LRFN2: variants seen among roughly 807,000 people sequenced by gnomAD.
LRFN2 encodes leucine-rich repeat and fibronectin type-III domain-containing protein 2.
Under a neutral mutation model 37.3 loss-of-function variants are expected in LRFN2, and 18 were observed. That is an observed-to-expected ratio of 0.48 (90% CI 0.33 to 0.72). The LOEUF (loss-of-function observed/expected upper bound fraction) is 0.72, where lower values mean the gene tolerates loss of function less well. LRFN2 is among the 30% of genes least tolerant of loss of function. LRFN2 has a pLI of 0.02. For synonymous variants in LRFN2, 556 were observed against 466.6 expected, an observed-to-expected ratio of 1.19 and a Z score of -2.47; for missense variants, 1,006 against 1,060.7, an observed-to-expected ratio of 0.95 and a Z score of 0.72.
intron 1 of LRFN2, among the ~76,000 whole-genome samples, chr6:40,440,989 C>T (rs979251410): frequency 2.0e-5 from 3 of 152,114 alleles, no homozygotes; most frequent in African/African-American, 7.2e-5. Flanking sequence ...TATAAGGGAC[C>T]AACTAACTGA....
intron 1 of LRFN2, among the ~76,000 whole-genome samples, chr6:40,536,209 G>T (rs1030634195): frequency 6.6e-6 from 1 of 152,096 alleles, no homozygotes; most frequent in Admixed American, 6.5e-5. Context: ...CAGGGTGAGT[G>T]GGGGGCCGGT....
At chr6:40,459,370 T>C (rs759000719) in intron 1 of LRFN2, among the ~76,000 whole-genome samples, 1 of 152,248 alleles carries the variant, frequency 6.6e-6, no homozygotes, top group Non-Finnish European at 1.5e-5. Flanking sequence ...CTGGTCTCTC[T>C]ACCCAAGGGG....
chr6:40,421,922 G>A (rs1482065526), intron 2 of LRFN2, among the ~76,000 whole-genome samples: 2 of 152,166 alleles, frequency 1.3e-5, no homozygotes, highest in African/African-American at 4.8e-5. Context: ...TCTTTCCAAT[G>A]TTACAACAAC....
At chr6:40,474,764 ACAGTT>A (rs1157408561) in intron 1 of LRFN2, among the ~76,000 whole-genome samples, 2 of 152,198 alleles carry the variant, frequency 1.3e-5, no homozygotes, top group African/African-American at 4.8e-5. Flanking sequence ...TGCTGGGATT[ACAGTT>A]GTGAGTCACT....
At chr6:40,583,623 A>G (rs73421022) in intron 1 of LRFN2, among the ~76,000 whole-genome samples, 2,136 of 152,310 alleles carry the variant, frequency 0.014, 48 homozygotes, top group African/African-American at 0.048. Flanking sequence ...GTGCAGTCAC[A>G]CATGCTGCTG....
chr6:40,399,426 C>CTTTTTTT (rs61458320), intron 2 of LRFN2, among the ~76,000 whole-genome samples: 2 of 134,360 alleles, frequency 1.5e-5, no homozygotes, highest in Admixed American at 8.1e-5. Context: ...TTTTTCTTTT[C>CTTTTTTT]TTTTTTTTTT....
At chr6:40,458,102 A>G (rs1764272057) in intron 1 of LRFN2, among the ~76,000 whole-genome samples, 1 of 152,194 alleles carries the variant, frequency 6.6e-6, no homozygotes, top group Non-Finnish European at 1.5e-5. Context: ...GCTTGTTACT[A>G]AAGCATAATC....
At chr6:40,405,344 C>A (rs1026258910) in intron 2 of LRFN2, among the ~76,000 whole-genome samples, 1 of 152,142 alleles carries the variant, frequency 6.6e-6, no homozygotes, top group African/African-American at 2.4e-5. Context: ...GCTGTAATAC[C>A]TTATCTTGGG....
At position 40,432,424 on chromosome 6, in the gene LRFN2, G is replaced by A. The variant is rs761985874; in HGVS notation, c.690C>T (p.Pro230=). ...AACTAAAGGACAAGGGTGGGGCAAA[G>A]GGTGTGGCTGTCAAAGCCGAAGCCT... ...RSQASALTAT[P]FAPPLSFSFG... The change falls in exon 2 of 3, where the codon CCC becomes CCT. Residue 230 remains proline, a synonymous_variant. Coordinates refer to ENST00000338305, the MANE Select transcript of LRFN2 (RefSeq NM_020737.3). 1 of 1,614,212 alleles carries A rather than the reference G, an allele frequency of 6.2e-7. No individual in the cohort carries two copies. The highest frequency in any genetic ancestry group is 1.1e-5 in the South Asian group (1 of 91,086).
At chr6:40,447,436 C>G (rs930541327) in intron 1 of LRFN2, among the ~76,000 whole-genome samples, 11 of 152,220 alleles carry the variant, frequency 7.2e-5, no homozygotes, top group African/African-American at 2.4e-4. Context: ...AGAGGCAGAG[C>G]TGTCACCATC....
intron 2 of LRFN2, among the ~76,000 whole-genome samples, chr6:40,405,216 T>C (rs1160581718): frequency 6.6e-6 from 1 of 152,210 alleles, no homozygotes; most frequent in Non-Finnish European, 1.5e-5. Context: ...CAATGATAGA[T>C]GTCATCGGAA....
chr6:40,477,882 G>T (rs1764742930), intron 1 of LRFN2, among the ~76,000 whole-genome samples: 1 of 152,210 alleles, frequency 6.6e-6, no homozygotes, highest in Non-Finnish European at 1.5e-5. Flanking sequence ...GCTCGGGAAG[G>T]AGAGATGTTT....
At position 40,523,763 on chromosome 6, in the gene LRFN2, T is replaced by C. The variant is rs2113903688; in HGVS notation, c.-19+63178A>G. ...CACCCAAGGCCACAAGGCAGTCCCG[T>C]GGCCATGCCAAACCAGCCTGCAGCA... is the stretch of plus-strand genomic sequence containing the variant. On this transcript the variant is annotated intron_variant, in intron 1 of 2. Coordinates refer to ENST00000338305, the MANE Select transcript of LRFN2 (RefSeq NM_020737.3). 2 of 152,314 alleles carry C rather than the reference T, an allele frequency of 1.3e-5. 1 individual carries two copies. Among genetic ancestry groups the C allele is most frequent in the South Asian group, 4.2e-4 (2 of 4,818 alleles). The allele number at this position is 152,314 out of a possible 1,614,324, so 9.4% of individuals were successfully genotyped here.
intron 1 of LRFN2, among the ~76,000 whole-genome samples, chr6:40,578,671 C>T (rs1767337906): frequency 6.6e-6 from 1 of 152,192 alleles, no homozygotes. Flanking sequence ...ACTATTTCTA[C>T]TACTACCACT....
At chr6:40,459,528 A>C (rs1764303252) in intron 1 of LRFN2, among the ~76,000 whole-genome samples, 1 of 152,206 alleles carries the variant, frequency 6.6e-6, no homozygotes, top group Non-Finnish European at 1.5e-5. Flanking sequence ...CTCCATGAAC[A>C]CTTCACCATT....
intron 1 of LRFN2, among the ~76,000 whole-genome samples, chr6:40,473,972 C>A (rs1581733269): frequency 1.3e-5 from 2 of 152,172 alleles, no homozygotes. Flanking sequence ...CCTCCTCACT[C>A]ACCGGAATGC....
At chr6:40,413,018 C>T (rs1344084681) in intron 2 of LRFN2, among the ~76,000 whole-genome samples, 1 of 152,094 alleles carries the variant, frequency 6.6e-6, no homozygotes, top group Non-Finnish European at 1.5e-5. Context: ...CCCAGCACTG[C>T]CGTGTTCCAG....
At chr6:40,519,772 C>G (rs1159677682) in intron 1 of LRFN2, among the ~76,000 whole-genome samples, 2 of 152,188 alleles carry the variant, frequency 1.3e-5, no homozygotes, top group African/African-American at 4.8e-5. Context: ...TGATAACAAA[C>G]AGGGGAAGCA....
chr6:40,392,499 C>G lies in LRFN2; in HGVS notation c.1814G>C (p.Arg605Pro), dbSNP rs968525802. 3.8e-6 allele frequency: 6 copies of G among 1,582,800 alleles called. No individual in the cohort carries two copies. The highest frequency in any genetic ancestry group is 5.1e-6 in the Non-Finnish European group (6 of 1,165,948). ...GGCGGTGAAGTCCAGGAGCTCGTTG[C>G]GCACCACCACCTTCGGCGGGCCCTG... is the stretch of plus-strand genomic sequence containing the variant. ...PPQGPPKVVV[R>P]NELLDFTASL... Residue 605 changes from arginine (R) to proline (P), a missense_variant, in exon 3 of 3, where the codon CGC becomes CCC. Arg to Pro is a moderately radical substitution (Grantham distance 103). This residue lies in a region of LRFN2 where 398 missense variants were observed against 327.6 expected (regional missense o/e 1.21). Coordinates refer to ENST00000338305, the MANE Select transcript of LRFN2 (RefSeq NM_020737.3). The surrounding 1 kb of genome is among the most constrained non-coding windows in gnomAD (Gnocchi z 4.7).
Sources: gnomAD v4.1 joint callset for allele counts (sites outside exome capture counted in the v4.1 genomes callset) on GRCh38, gnomAD v4.1.1 for gene constraint, gnomAD v4.1.1 regional missense constraint, Gnocchi (gnomAD v3.1) non-coding constraint, MANE v1.5 for transcripts, NCBI Gene and HGNC (gene_info 2026-07-23, HGNC 2026-07-21) for gene names.